Variants in FBXL17 observed in about 807,000 individuals in gnomAD.
The protein encoded by FBXL17 is F-box and leucine rich repeat protein 17.
In FBXL17, 22 loss-of-function variants were observed where a neutral mutation model predicts 66.2. The observed-to-expected ratio is 0.33, with a 90% CI of 0.24 to 0.47. FBXL17 has a LOEUF of 0.47. Ranked by LOEUF, FBXL17 falls within the 20% of genes least tolerant of loss-of-function variation. The probability of loss-of-function intolerance (pLI) is 1.00; values close to 1 mark genes in which losing one functional copy is unlikely to be tolerated. For missense variants in FBXL17, 878 were observed against 948.2 expected, an observed-to-expected ratio of 0.93 and a Z score of 0.97; for synonymous variants, 474 against 400.5, an observed-to-expected ratio of 1.18 and a Z score of -2.19.
intron 4 of FBXL17, among the ~76,000 whole-genome samples, chr5:108,263,948 G>A (rs1756938528): frequency 6.6e-6 from 1 of 152,078 alleles, no homozygotes; most frequent in Admixed American, 6.6e-5. Context: ...GGGTGCAGTG[G>A]CTCACGCCTG....
In FBXL17 at chr5:108,143,129, G is replaced by A. The variant is rs368642079; in HGVS notation, c.1745+42988C>T. ...AAACGGTTCCATTCTGAAACCAACC[G>A]CTCCCCGACCCCGAGTCCACGGAAG... On this transcript the variant is annotated intron_variant, in intron 6 of 8. Transcript: ENST00000542267. 3.2e-4 allele frequency among the ~76,000 whole-genome samples: 48 copies of A among 151,768 alleles called. 1 individual carries two copies. The South Asian group carries it at 9.8e-3, about 31-fold the overall frequency.
chr5:107,875,120 T>TA (rs1159684573), intron 8 of FBXL17, among the ~76,000 whole-genome samples: 2 of 151,234 alleles, frequency 1.3e-5, no homozygotes, highest in African/African-American at 4.9e-5. Context: ...TTTTTTTTTT[T>TA]ACTTTATTTT....
chr5:107,977,989 C>G (rs200491829), intron 7 of FBXL17, among the ~76,000 whole-genome samples: 3 of 152,120 alleles, frequency 2.0e-5, no homozygotes, highest in East Asian at 1.9e-4. Context: ...TGATCTCTAA[C>G]TTTATGAAGC....
intron 6 of FBXL17, among the ~76,000 whole-genome samples, chr5:108,041,258 T>C (rs772692208): frequency 6.6e-6 from 1 of 152,192 alleles, no homozygotes; most frequent in Non-Finnish European, 1.5e-5. Flanking sequence ...ATGTTCCCCC[T>C]TCTAACAAAG....
chr5:108,081,520 G>A lies in FBXL17; in HGVS notation c.1746-60519C>T, dbSNP rs543988073. On this transcript the variant is annotated intron_variant, in intron 6 of 8. Coordinates refer to ENST00000542267, the MANE Select transcript of FBXL17 (RefSeq NM_001163315.3). ...GCGGATCACGAGGTCAGGAAATCGA[G>A]ACCATCCTGGCTAACACGGTGAAAC... is the stretch of plus-strand genomic sequence containing the variant. 2.0e-5 allele frequency among the ~76,000 whole-genome samples: 3 copies of A among 152,128 alleles called. No homozygotes were observed. In the South Asian group the frequency reaches 6.2e-4, roughly 32 times the overall value.
At chr5:108,247,650 T>G (rs1229114686) in intron 4 of FBXL17, among the ~76,000 whole-genome samples, 1 of 152,170 alleles carries the variant, frequency 6.6e-6, no homozygotes, top group African/African-American at 2.4e-5. Context: ...AATCTAAACT[T>G]GTGATATTTA....
At chr5:108,090,459 T>C (rs188087525) in intron 6 of FBXL17, among the ~76,000 whole-genome samples, 1 of 152,146 alleles carries the variant, frequency 6.6e-6, no homozygotes, top group Non-Finnish European at 1.5e-5. Context: ...ATATTTCTTA[T>C]GGAAGAGGTT....
chr5:108,146,034 C>T (rs567541289), intron 6 of FBXL17, among the ~76,000 whole-genome samples: 5 of 151,834 alleles, frequency 3.3e-5, no homozygotes, highest in African/African-American at 7.3e-5. Context: ...CTGGCTAACA[C>T]AGTGAAATCC....
chr5:107,908,816 G>A (rs937476977), intron 7 of FBXL17, among the ~76,000 whole-genome samples: 1 of 152,156 alleles, frequency 6.6e-6, no homozygotes, highest in African/African-American at 2.4e-5. Flanking sequence ...TGTAGTTTGA[G>A]ATCTTCTGAG....
chr5:107,881,883 C>T (rs543892634), intron 7 of FBXL17, among the ~76,000 whole-genome samples: 5 of 152,282 alleles, frequency 3.3e-5, no homozygotes, highest in South Asian at 2.1e-4. Context: ...GTAGTCTTCT[C>T]GGCTGTTTAG....
At chr5:108,007,848 C>A (rs1389089446) in intron 7 of FBXL17, among the ~76,000 whole-genome samples, 1 of 152,120 alleles carries the variant, frequency 6.6e-6, no homozygotes, top group African/African-American at 2.4e-5. Flanking sequence ...AGAGCGTCAT[C>A]AGGTTTGTGC....
chr5:108,221,567 A>G (rs1384329699), intron 5 of FBXL17, among the ~76,000 whole-genome samples: 1 of 152,182 alleles, frequency 6.6e-6, no homozygotes, highest in Non-Finnish European at 1.5e-5. Flanking sequence ...GACATCATGT[A>G]TTAAAGAGAT....
In FBXL17 at chr5:108,274,430, G is replaced by A. The variant is rs1020091396; in HGVS notation, c.1507-50202C>T. On this transcript the variant is annotated intron_variant, in intron 4 of 8. Coordinates refer to ENST00000542267, the MANE Select transcript of FBXL17 (RefSeq NM_001163315.3). ...GCTCTGTTCCACCCAGCTCACCAGC[G>A]GTGAGAGTTTAAGGTTATCTCTCTT... 5.9e-5 allele frequency among the ~76,000 whole-genome samples: 9 copies of A among 152,154 alleles called. No individual in the cohort carries two copies. In the South Asian group the frequency reaches 6.2e-4, roughly 10 times the overall value.
intron 4 of FBXL17, among the ~76,000 whole-genome samples, chr5:108,283,424 T>C (rs966204583): frequency 8.6e-5 from 13 of 151,622 alleles, no homozygotes; most frequent in Non-Finnish European, 1.9e-4. Context: ...TTTGACACAG[T>C]TGACAAGAAC....
At chr5:108,198,016 G>A (rs1387955348) in intron 5 of FBXL17, among the ~76,000 whole-genome samples, 3 of 152,116 alleles carry the variant, frequency 2.0e-5, no homozygotes, top group Admixed American at 6.6e-5. Flanking sequence ...GAGCCAAAAA[G>A]CTGTAGTGCA....
At chr5:108,070,391 A>C (rs1376358579) in intron 6 of FBXL17, among the ~76,000 whole-genome samples, 6 of 152,218 alleles carry the variant, frequency 3.9e-5, no homozygotes, top group African/African-American at 1.4e-4. Context: ...TCATACTGGC[A>C]AATGCAAAGA....
At chr5:108,367,465 A>G (rs1166039263) in intron 2 of FBXL17, among the ~76,000 whole-genome samples, 1 of 152,156 alleles carries the variant, frequency 6.6e-6, no homozygotes, top group Non-Finnish European at 1.5e-5. Context: ...AGCCCTTAGA[A>G]CAGTACACAA....
At chr5:108,062,360 C>T (rs1378553890) in intron 6 of FBXL17, among the ~76,000 whole-genome samples, 3 of 152,008 alleles carry the variant, frequency 2.0e-5, no homozygotes, top group South Asian at 2.1e-4. Context: ...GTCATGGATA[C>T]GAGGACTATC....
chr5:107,896,338 G>A (rs1001890951), intron 7 of FBXL17, among the ~76,000 whole-genome samples: 18 of 152,028 alleles, frequency 1.2e-4, no homozygotes, highest in Non-Finnish European at 1.2e-4. Flanking sequence ...AAAAAAAGAT[G>A]AGTAAAAGAA....
Sources: allele counts gnomAD v4.1 joint callset (sites outside exome capture counted in the v4.1 genomes callset), GRCh38; gene constraint gnomAD v4.1.1; transcripts MANE v1.5; gene names NCBI Gene and HGNC (gene_info 2026-07-23, HGNC 2026-07-21).